Variants in EAPP observed in about 807,000 individuals in gnomAD.
The protein encoded by EAPP is E2F associated phosphoprotein, also known as E2F-associated phosphoprotein.
EAPP carries 38 observed loss-of-function variants against 34.3 expected under a neutral mutation model. The ratio of observed to expected loss-of-function variants is 1.11; its 90% confidence interval spans 0.85 to 1.45. The LOEUF (loss-of-function observed/expected upper bound fraction) is 1.45, where lower values mean the gene tolerates loss of function less well. EAPP is among the 40% of genes most tolerant of loss of function. The probability of loss-of-function intolerance (pLI) is 0.00; values close to 1 mark genes in which losing one functional copy is unlikely to be tolerated. For synonymous variants in EAPP, 113 were observed against 117.6 expected (o/e 0.96, Z 0.25); for missense variants, 338 against 343.7 (o/e 0.98, Z 0.13).
intron 2 of EAPP, 27 bp downstream of exon 2, chr14:34,536,067 A>G: frequency 6.4e-7 from 1 of 1,571,536 alleles, no homozygotes; most frequent in Non-Finnish European, 8.7e-7. Context: ...TTACAAAAAT[A>G]TATATAAAAT....
rs1222121127 is a variant in EAPP, at chr14:34,533,603, CAT to C, written c.257-66_257-65del. 3 of 1,060,682 alleles carry C rather than the reference CAT, an allele frequency of 2.8e-6. No individual in the cohort carries two copies. The African/African-American group carries it at 4.9e-5, about 17-fold the overall frequency. The allele number at this position is 1,060,682 out of a possible 1,614,324, so 65.7% of individuals were successfully genotyped here. On this transcript the variant is annotated intron_variant, in intron 2 of 5. Transcript: ENST00000250454. ...ACATAATTCACAAGGCAAAAAACTC[CAT>C]ATATTCTTCCATCACCTCAAAACAA...
In EAPP at chr14:34,516,431, G is replaced by A. The variant is rs1446332418; in HGVS notation, c.737C>T (p.Ala246Val). The A allele has an allele frequency of 6.2e-7, 1 of 1,614,130 alleles. No individual in the cohort carries two copies. Among genetic ancestry groups the A allele is most frequent in the South Asian group, 1.1e-5 (1 of 91,088 alleles). Residue 246 changes from alanine to valine, a missense_variant, in exon 6 of 6, where the codon GCA becomes GTA. By Grantham distance (64) the Ala-to-Val change is moderately conservative. Coordinates refer to ENST00000250454, the MANE Select transcript of EAPP (RefSeq NM_018453.4). ...RSNREDAAEK[A>V]ETDVEEIYHP... ...ATAGATTTCTTCCACATCTGTCTCT[G>A]CCTTCTCGGCAGCATCTTCCCGGTT...
Position 34,529,403 on chromosome 14 carries a change from T to C in EAPP, c.425A>G (p.Glu142Gly). 3 of 1,613,702 alleles carry C rather than the reference T, an allele frequency of 1.9e-6. No individual in the cohort carries two copies. Among genetic ancestry groups the C allele is most frequent in the Non-Finnish European group, 1.7e-6 (2 of 1,179,910 alleles). The change falls in exon 4 of 6, where the codon GAA becomes GGA. Residue 142 changes from glutamate to glycine, a missense_variant. Physicochemically the swap from Glu to Gly is moderately conservative, Grantham distance 98. Coordinates refer to ENST00000250454, the MANE Select transcript of EAPP (RefSeq NM_018453.4). ...PTNDELLYDP[E>G]KDNRDQAWVD... ...CCAGGCCTGATCTCTGTTATCTTTT[T>C]CAGGATCATACAGTAATTCGTCATT...
At chr14:34,537,018 T>A (rs558279543) in intron 1 of EAPP, among the ~76,000 whole-genome samples, 73 of 152,268 alleles carry the variant, frequency 4.8e-4, no homozygotes, top group Non-Finnish European at 8.7e-4. Flanking sequence ...TTTATTATTT[T>A]TTATTTTTTG....
In EAPP at chr14:34,516,129, G is replaced by GAA; in HGVS notation, c.*179_*180dup. The GAA allele has an allele frequency of 8.3e-5, 39 of 467,864 alleles. No homozygotes were observed. The highest frequency in any genetic ancestry group is 5.8e-4 in the Middle Eastern group (1 of 1,726). The allele number at this position is 467,864 out of a possible 1,614,324, so 29.0% of individuals were successfully genotyped here. A position where few individuals can be genotyped will look rare whatever the true frequency, so the allele number is the denominator to read the frequency against. On this transcript the variant is annotated 3_prime_UTR_variant, in exon 6 of 6. Coordinates refer to ENST00000250454, the MANE Select transcript of EAPP (RefSeq NM_018453.4). ...CCCATCAATAAGGGGGAAAATCAAA[G>GAA]AAAAAAAAAAGGAGAGGGTGAGAGA... is the stretch of plus-strand genomic sequence containing the variant.
Position 34,529,436 on chromosome 14 carries a change from A to C in EAPP, c.392T>G (p.Ile131Ser). Reference protein sequence around the residue: ...TKKKKKKQHKIPTNDELLYDP... With the variant: ...TKKKKKKQHKSPTNDELLYDP... ...ATACAGTAATTCGTCATTTGTTGGA[A>C]TCTTGTGTTGTTTCTTCTTTTTTTT... The change falls in exon 4 of 6, where the codon ATT (isoleucine) becomes AGT (serine). Residue 131 changes from isoleucine to serine, a missense_variant. Physicochemically the swap from Ile to Ser is moderately radical, Grantham distance 142. Transcript: ENST00000250454. The C allele has an allele frequency of 6.2e-7, 1 of 1,613,120 alleles. No individual in the cohort carries two copies. Among genetic ancestry groups the C allele is most frequent in the Non-Finnish European group, 8.5e-7 (1 of 1,179,832 alleles).
chr14:34,524,756 A>G lies in EAPP; in HGVS notation c.522T>C (p.Asn174=). 2 of 1,613,392 alleles carry G rather than the reference A, an allele frequency of 1.2e-6. No homozygotes were observed. Among genetic ancestry groups the G allele is most frequent in the Non-Finnish European group, 1.7e-6 (2 of 1,179,876 alleles). Residue 174 remains asparagine (N), a synonymous_variant, in exon 5 of 6, where the codon AAT becomes AAC. Transcript: ENST00000250454. ...QRSRQQQPVP[N]SDAVLNCPAC... ...CAGGACAATTCAAGACAGCATCACT[A>G]TTTGGAACAGGCTGTTGTTGACGTG...
chr14:34,539,699 C>G lies in EAPP; in HGVS notation c.-71G>C. ...CTCTGTTTACACTGCAAGTCCAGTC[C>G]CTAAAGCGCCCCTGACGCCACTTCC... On this transcript the variant is annotated 5_prime_UTR_variant, in exon 1 of 6. Transcript: ENST00000250454. The G allele has an allele frequency of 7.1e-7, 1 of 1,413,626 alleles. No individual in the cohort carries two copies. The highest frequency in any genetic ancestry group is 9.4e-7 in the Non-Finnish European group (1 of 1,065,926). The allele number at this position is 1,413,626 out of a possible 1,614,324, so 87.6% of individuals were successfully genotyped here.
intron 5 of EAPP, among the ~76,000 whole-genome samples, chr14:34,516,859 G>C (rs947696179): frequency 1.3e-5 from 2 of 151,100 alleles, no homozygotes; most frequent in African/African-American, 4.9e-5. Flanking sequence ...ACAAGCCACT[G>C]CACCAGGCAG....
At chr14:34,532,418 T>A (rs1880326231) in intron 3 of EAPP, among the ~76,000 whole-genome samples, 1 of 149,124 alleles carries the variant, frequency 6.7e-6, no homozygotes, top group Non-Finnish European at 1.5e-5. Flanking sequence ...AAGATGGTGG[T>A]GCCATCGCAC....
chr14:34,530,127 G>A (rs930660349), intron 3 of EAPP, among the ~76,000 whole-genome samples: 18 of 152,192 alleles, frequency 1.2e-4, no homozygotes, highest in Middle Eastern at 3.4e-3. Flanking sequence ...TTGAACCCAG[G>A]CGGTGGAGGG....
chr14:34,529,323 T>C (rs1880200374), intron 4 of EAPP, 35 bp downstream of exon 4: 4 of 1,422,732 alleles, frequency 2.8e-6, no homozygotes, highest in Non-Finnish European at 3.9e-6. Context: ...AATCTTTTTT[T>C]CTAAAGATTC....
intron 5 of EAPP, 32 bp downstream of exon 5, chr14:34,524,657 ATGTGTGTG>A (rs367795110): frequency 1.1e-5 from 9 of 855,212 alleles, no homozygotes; most frequent in African/African-American, 6.9e-5. Flanking sequence ...CAAAATATGT[ATGTGTGTG>A]TGTGTGTGTG....
At chr14:34,538,655 G>A (rs924321302) in intron 1 of EAPP, among the ~76,000 whole-genome samples, 1 of 151,730 alleles carries the variant, frequency 6.6e-6, no homozygotes, top group Non-Finnish European at 1.5e-5. Context: ...AGGCTTAAGA[G>A]ATTCTCTCGC....
chr14:34,516,677 CT>C (rs1233415501), intron 5 of EAPP, 91 bp from the exon 6 acceptor site: 4 of 1,295,572 alleles, frequency 3.1e-6, no homozygotes, highest in Non-Finnish European at 4.2e-6. Flanking sequence ...CAAAAACTTA[CT>C]GAAATACCAA....
At chr14:34,537,213 GT>G (rs1412469653) in intron 1 of EAPP, among the ~76,000 whole-genome samples, 2 of 152,084 alleles carry the variant, frequency 1.3e-5, no homozygotes, top group Non-Finnish European at 2.9e-5. Context: ...ATTTCATCAT[GT>G]TGCTCAGGCT....
chr14:34,533,196 G>A (rs373711340), intron 3 of EAPP, among the ~76,000 whole-genome samples: 5 of 151,986 alleles, frequency 3.3e-5, no homozygotes, highest in South Asian at 4.2e-4. Flanking sequence ...CACCATGCCC[G>A]GCTTATTTTT....
chr14:34,538,237 G>A (rs982114187), intron 1 of EAPP, among the ~76,000 whole-genome samples: 1 of 152,114 alleles, frequency 6.6e-6, no homozygotes, highest in African/African-American at 2.4e-5. Flanking sequence ...AAATAAGCCA[G>A]GTGTGGTAGC....
intron 2 of EAPP, 98 bp downstream of exon 2, chr14:34,535,996 C>T: frequency 1.3e-6 from 1 of 755,072 alleles, no homozygotes; most frequent in Non-Finnish European, 2.1e-6. Context: ...ATTTATTGAG[C>T]ACCTACTGAA....
Sources: gnomAD v4.1 joint callset for allele counts (sites outside exome capture counted in the v4.1 genomes callset) on GRCh38, gnomAD v4.1.1 for gene constraint, MANE v1.5 for transcripts, NCBI Gene and HGNC (gene_info 2026-07-23, HGNC 2026-07-21) for gene names.